GMPR: variants seen among roughly 807,000 people sequenced by gnomAD.
The protein encoded by GMPR is guanosine monophosphate reductase.
In GMPR, 31 loss-of-function variants were observed where a neutral mutation model predicts 38.4. That is an observed-to-expected ratio of 0.81 (90% confidence interval 0.61 to 1.09). The LOEUF (loss-of-function observed/expected upper bound fraction) is 1.09. Among genes scored for constraint, GMPR ranks in the 50% least tolerant of loss-of-function variants. GMPR has a pLI of 0.00. For synonymous variants in GMPR, 162 were observed against 173.3 expected (o/e 0.93, Z 0.51); for missense variants, 468 against 453.7 (o/e 1.03, Z -0.29).
At chr6:16,286,388 T>TAA (rs1759679257) in intron 7 of GMPR, among the ~76,000 whole-genome samples, 1 of 151,816 alleles carries the variant, frequency 6.6e-6, no homozygotes, top group East Asian at 2.0e-4. Context: ...AGCAGTAAAG[T>TAA]ACGGCTGCCG....
chr6:16,266,307 A>C (rs988751743), intron 4 of GMPR, among the ~76,000 whole-genome samples: 4 of 151,756 alleles, frequency 2.6e-5, no homozygotes, highest in Non-Finnish European at 5.9e-5. Context: ...TAGACCATGA[A>C]CCCACGAGGA....
intron 4 of GMPR, among the ~76,000 whole-genome samples, chr6:16,255,194 G>C (rs1417071102): frequency 6.6e-6 from 1 of 151,892 alleles, no homozygotes; most frequent in Non-Finnish European, 1.5e-5. Context: ...TGTATTTTTA[G>C]TAGAGACGGG....
At chr6:16,268,139 G>A (rs999162881) in intron 4 of GMPR, among the ~76,000 whole-genome samples, 1 of 152,192 alleles carries the variant, frequency 6.6e-6, no homozygotes, top group African/African-American at 2.4e-5. Context: ...TGGATTTTCT[G>A]TATTCACCCA....
chr6:16,285,688 C>A, intron 6 of GMPR, 105 bp from the exon 7 acceptor site: 2 of 868,838 alleles, frequency 2.3e-6, no homozygotes, highest in Non-Finnish European at 3.8e-6. Flanking sequence ...TTGCTGGGGG[C>A]TGTGGTGGGT....
At chr6:16,246,288 G>A (rs1035596884) in intron 1 of GMPR, among the ~76,000 whole-genome samples, 3 of 152,222 alleles carry the variant, frequency 2.0e-5, no homozygotes, top group Admixed American at 6.5e-5. Flanking sequence ...CTGCTTGCAA[G>A]TCAAAGGAAC....
In GMPR at chr6:16,246,898, T is replaced by C; in HGVS notation, c.144T>C (p.Ile48=). ...FRNSKQTYSG[I]PIIVANMDTV... ...ATTCAAAGCAGACCTACTCAGGGAT[T>C]CCCATCATCGTGGCCAACATGGACA... Residue 48 remains isoleucine, a synonymous_variant, in exon 2 of 9, where the codon ATT becomes ATC. Transcript: ENST00000259727. The C allele has an allele frequency of 6.2e-7, 1 of 1,613,782 alleles. No individual in the cohort carries two copies. Among genetic ancestry groups the C allele is most frequent in the South Asian group, 1.1e-5 (1 of 91,074 alleles).
intron 1 of GMPR, among the ~76,000 whole-genome samples, chr6:16,241,097 A>C (rs1414219427): frequency 6.6e-6 from 1 of 152,100 alleles, no homozygotes; most frequent in East Asian, 1.9e-4. Context: ...GCACAATCAG[A>C]AGCTTAAAAT....
At chr6:16,288,665 C>T (rs1011694773) in intron 7 of GMPR, among the ~76,000 whole-genome samples, 2 of 152,242 alleles carry the variant, frequency 1.3e-5, no homozygotes, top group African/African-American at 4.8e-5. Context: ...GACTGGTGGG[C>T]AGCTCCATCT....
At chr6:16,244,049 G>A (rs138704291) in intron 1 of GMPR, among the ~76,000 whole-genome samples, 1 of 152,058 alleles carries the variant, frequency 6.6e-6, no homozygotes, top group African/African-American at 2.4e-5. Context: ...GGCCAGGGCC[G>A]GCTCCCCGCT....
At chr6:16,268,907 T>G (rs1161365959) in intron 4 of GMPR, among the ~76,000 whole-genome samples, 1 of 150,994 alleles carries the variant, frequency 6.6e-6, no homozygotes, top group East Asian at 1.9e-4. Flanking sequence ...TGAATTATTT[T>G]AAATTAAAAA....
chr6:16,264,004 G>A (rs1043089694), intron 4 of GMPR, among the ~76,000 whole-genome samples: 1 of 151,836 alleles, frequency 6.6e-6, no homozygotes, highest in African/African-American at 2.4e-5. Context: ...AGGGATTAGG[G>A]TACTTGCCCC....
intron 4 of GMPR, among the ~76,000 whole-genome samples, chr6:16,265,874 G>A (rs1025618619): frequency 6.6e-6 from 1 of 152,196 alleles, no homozygotes; most frequent in Non-Finnish European, 1.5e-5. Context: ...GGGTCCACGC[G>A]ACGTTTATGA....
At chr6:16,248,825 A>T (rs1442191229) in intron 2 of GMPR, among the ~76,000 whole-genome samples, 2 of 152,232 alleles carry the variant, frequency 1.3e-5, no homozygotes, top group Non-Finnish European at 2.9e-5. Flanking sequence ...GTCAAGTCTG[A>T]TTAATTCACA....
In GMPR at chr6:16,278,895, G is replaced by C. The variant is rs560924961; in HGVS notation, c.654+5G>C. 3 of 1,584,384 alleles carry C rather than the reference G, an allele frequency of 1.9e-6. No individual in the cohort carries two copies. Among genetic ancestry groups the C allele is most frequent in the Non-Finnish European group, 1.7e-6 (2 of 1,154,184 alleles). On this transcript the variant is annotated splice_donor_5th_base_variant and intron_variant, in intron 6 of 8. Transcript: ENST00000259727. ...CTGAAGGGCCACATCATCTCTGTGAGTCTCCACCCGGGGCTGAGGCTGGGG... is the reference window on the plus strand; with the variant it reads ...CTGAAGGGCCACATCATCTCTGTGACTCTCCACCCGGGGCTGAGGCTGGGG...
At chr6:16,267,606 G>C (rs1408937286) in intron 4 of GMPR, among the ~76,000 whole-genome samples, 1 of 151,856 alleles carries the variant, frequency 6.6e-6, no homozygotes, top group Non-Finnish European at 1.5e-5. Flanking sequence ...CTCCGGACAC[G>C]CCATCTTTTA....
chr6:16,261,291 C>A (rs1326221146), intron 4 of GMPR, among the ~76,000 whole-genome samples: 1 of 151,896 alleles, frequency 6.6e-6, no homozygotes, highest in East Asian at 1.9e-4. Context: ...AAGAATTATG[C>A]TTAGATAGGT....
chr6:16,274,984 A>G (rs188381366), intron 5 of GMPR, among the ~76,000 whole-genome samples: 6 of 152,288 alleles, frequency 3.9e-5, no homozygotes, highest in Admixed American at 2.0e-4. Flanking sequence ...CTCACCTGAT[A>G]CGTATTAGAT....
chr6:16,287,247 C>T (rs1306087164), intron 7 of GMPR, among the ~76,000 whole-genome samples: 1 of 152,176 alleles, frequency 6.6e-6, no homozygotes, highest in Non-Finnish European at 1.5e-5. Flanking sequence ...GATCATTGGC[C>T]AAGGGCATTT....
At chr6:16,264,296 G>A (rs1759146832) in intron 4 of GMPR, 1 of 179,950 alleles carries the variant, frequency 5.6e-6, no homozygotes, top group South Asian at 1.2e-4. Flanking sequence ...GAGGCTGAGG[G>A]ATAGTGAGGG....
Sources: allele counts gnomAD v4.1 joint callset (sites outside exome capture counted in the v4.1 genomes callset), GRCh38; gene constraint gnomAD v4.1.1; transcripts MANE v1.5; gene names NCBI Gene and HGNC (gene_info 2026-07-23, HGNC 2026-07-21).